GABRR1: variants seen among roughly 807,000 people sequenced by gnomAD.
The protein encoded by GABRR1 is gamma-aminobutyric acid receptor subunit rho-1.
In GABRR1, 59 loss-of-function variants were observed where a neutral mutation model predicts 55.5. The ratio of observed to expected loss-of-function variants is 1.06; its 90% confidence interval spans 0.86 to 1.32. GABRR1 has a LOEUF of 1.32. Among genes scored for constraint, GABRR1 ranks in the 40% most tolerant of loss-of-function variants. The pLI, the probability that GABRR1 is intolerant of heterozygous loss-of-function variation, is 0.00. For synonymous variants in GABRR1, 213 were observed against 226.0 expected (o/e 0.94, Z 0.51); for missense variants, 602 against 619.1 (o/e 0.97, Z 0.29).
At chr6:89,216,814 T>C (rs996347906) in intron 1 of GABRR1, among the ~76,000 whole-genome samples, 4 of 152,244 alleles carry the variant, frequency 2.6e-5, no homozygotes, top group African/African-American at 9.6e-5. Flanking sequence ...AGCAGAATCA[T>C]TCTCATGAAA....
At chr6:89,197,962 G>T (rs1193600352) in intron 5 of GABRR1, 58 bp downstream of exon 5, 1 of 1,492,188 alleles carries the variant, frequency 6.7e-7, no homozygotes, top group African/African-American at 1.4e-5. Context: ...AACCCAAATT[G>T]CTGTTGTGAA....
In GABRR1 at chr6:89,217,357, A is replaced by G; in HGVS notation, c.-35T>C. The G allele has an allele frequency of 6.2e-7, 1 of 1,608,874 alleles. No individual in the cohort carries two copies. Among genetic ancestry groups the G allele is most frequent in the Non-Finnish European group, 8.5e-7 (1 of 1,177,248 alleles). On this transcript the variant is annotated 5_prime_UTR_variant, in exon 1 of 10. Coordinates refer to ENST00000454853, the MANE Select transcript of GABRR1 (RefSeq NM_002042.5). ...AATTCAAACAGCTCTCTCCAGAAACAGCAAAAAGGAAAAGATTGTTCTTTT... is the reference window on the plus strand; with the variant it reads ...AATTCAAACAGCTCTCTCCAGAAACGGCAAAAAGGAAAAGATTGTTCTTTT...
chr6:89,221,226 C>G (rs938307363), upstream of GABRR1: 2 of 152,484 alleles, frequency 1.3e-5, no homozygotes, highest in African/African-American at 4.8e-5. Context: ...AAAAGTCTCC[C>G]TGCCCCAAGC....
At chr6:89,180,081 A>G (rs3777539) in intron 9 of GABRR1, among the ~76,000 whole-genome samples, 51,018 of 151,544 alleles carry the variant, frequency 0.34, 8,831 homozygotes, top group East Asian at 0.63. Context: ...GTGCAAAAAA[A>G]TTTTTCAATG....
At chr6:89,184,428 G>A (rs1172384119) in intron 7 of GABRR1, among the ~76,000 whole-genome samples, 1 of 151,998 alleles carries the variant, frequency 6.6e-6, no homozygotes, top group African/African-American at 2.4e-5. Flanking sequence ...GCAGGCAACA[G>A]GAGGGGGTGA....
chr6:89,196,822 G>GAAA (rs1772291782), intron 5 of GABRR1, among the ~76,000 whole-genome samples: 2 of 91,124 alleles, frequency 2.2e-5, no homozygotes, highest in South Asian at 4.8e-4. Flanking sequence ...AAGAAAAGAA[G>GAAA]GAAAGAAAGA....
chr6:89,218,232 C>G (rs948910029), upstream of GABRR1, among the ~76,000 whole-genome samples: 13 of 152,086 alleles, frequency 8.5e-5, no homozygotes, highest in African/African-American at 3.1e-4. Flanking sequence ...TCAGACTGTA[C>G]CGGTAAACTG....
intron 6 of GABRR1, among the ~76,000 whole-genome samples, 169 bp downstream of exon 6, chr6:89,189,996 A>G (rs111537920): frequency 6.6e-6 from 1 of 152,122 alleles, no homozygotes; most frequent in African/African-American, 2.4e-5. Flanking sequence ...CAGTGAGCAG[A>G]GACTGCGCCA....
chr6:89,179,614 T>C (rs1185563651), intron 9 of GABRR1, among the ~76,000 whole-genome samples: 1 of 152,242 alleles, frequency 6.6e-6, no homozygotes, highest in Non-Finnish European at 1.5e-5. Context: ...TCATGATTCA[T>C]AGATCACCCT....
At chr6:89,190,887 A>G (rs1490050690) in intron 5 of GABRR1, among the ~76,000 whole-genome samples, 3 of 152,230 alleles carry the variant, frequency 2.0e-5, no homozygotes, top group African/African-American at 7.2e-5. Flanking sequence ...TTACACTGGG[A>G]AAGAGGCTTC....
Position 89,178,213 on chromosome 6 carries a change from A to C in GABRR1, c.*557T>G, listed in dbSNP as rs550856463. The C allele has an allele frequency of 6.5e-6, 1 of 154,782 alleles. No individual in the cohort carries two copies. The highest frequency in any genetic ancestry group is 1.4e-5 in the Non-Finnish European group (1 of 69,634). The allele number at this position is 154,782 out of a possible 1,614,324, so 9.6% of individuals were successfully genotyped here. The stretch of plus-strand genomic sequence containing the variant: ...AGCCTGTGAACCACAGCATATAAAG[A>C]AAAATAATGTGAATGTTATCATTGC... On this transcript the variant is annotated 3_prime_UTR_variant, in exon 10 of 10. Coordinates refer to ENST00000454853, the MANE Select transcript of GABRR1 (RefSeq NM_002042.5).
chr6:89,181,857 T>C (rs946714868), intron 8 of GABRR1, 48 bp downstream of exon 8: 1 of 1,526,124 alleles, frequency 6.6e-7, no homozygotes, highest in Non-Finnish European at 8.9e-7. Context: ...GAATTGTTAA[T>C]ACCTATATTT....
intron 2 of GABRR1, 31 bp from the exon 3 acceptor site, chr6:89,201,296 T>C (rs752648036): frequency 7.0e-7 from 1 of 1,436,434 alleles, no homozygotes; most frequent in Non-Finnish European, 9.8e-7. Flanking sequence ...AGGCTGATCA[T>C]ATATTCCAAC....
At chr6:89,219,911 C>T (rs112937182), upstream of GABRR1, among the ~76,000 whole-genome samples, 323 of 152,264 alleles carry the variant, frequency 2.1e-3, 3 homozygotes, top group African/African-American at 6.7e-3. Context: ...TATAAATCAT[C>T]CTTTAACGTG....
At chr6:89,196,875 G>GAAAGAAAGAAAGAAAGA (rs769520512) in intron 5 of GABRR1, among the ~76,000 whole-genome samples, 2,886 of 134,510 alleles carry the variant, frequency 0.021, 111 homozygotes, top group East Asian at 0.032. Flanking sequence ...AAGAAAGAAA[G>GAAAGAAAGAAAGAAAGA]AAAGAGAAGA....
At chr6:89,185,993 T>C (rs1025344917) in intron 6 of GABRR1, among the ~76,000 whole-genome samples, 2 of 152,144 alleles carry the variant, frequency 1.3e-5, no homozygotes, top group African/African-American at 4.8e-5. Flanking sequence ...CTACTCAGGG[T>C]AAAGTCGAAG....
chr6:89,220,933 T>C (rs1773104139), upstream of GABRR1, among the ~76,000 whole-genome samples: 1 of 152,154 alleles, frequency 6.6e-6, no homozygotes, highest in African/African-American at 2.4e-5. Context: ...TTGGTCAAGC[T>C]GGTCTCCAAC....
intron 1 of GABRR1, among the ~76,000 whole-genome samples, chr6:89,205,918 C>T (rs930011856): frequency 6.7e-6 from 1 of 149,610 alleles, no homozygotes; most frequent in Non-Finnish European, 1.5e-5. Flanking sequence ...CTCACATCCT[C>T]TTCCAGGGAC....
At chr6:89,219,761 G>A (rs559358041), upstream of GABRR1, among the ~76,000 whole-genome samples, 1 of 152,134 alleles carries the variant, frequency 6.6e-6, no homozygotes, top group Admixed American at 6.5e-5. Flanking sequence ...GCTGTGGAGA[G>A]TATAAATCTC....
Sources: allele counts gnomAD v4.1 joint callset (sites outside exome capture counted in the v4.1 genomes callset), GRCh38; gene constraint gnomAD v4.1.1; transcripts MANE v1.5; gene names NCBI Gene and HGNC (gene_info 2026-07-23, HGNC 2026-07-21).